The following DNAAF11 variants were observed in gnomAD, a reference collection of about 807,000 sequenced individuals.
DNAAF11 encodes the protein dynein axonemal assembly factor 11.
Under a neutral mutation model 60.8 loss-of-function variants are expected in DNAAF11, and 45 were observed. The ratio of observed to expected loss-of-function variants is 0.74; its 90% CI spans 0.58 to 0.95. DNAAF11 has a LOEUF of 0.95. Ranked by LOEUF, DNAAF11 falls within the 40% of genes least tolerant of loss-of-function variation. DNAAF11 has a pLI of 0.00. For missense variants in DNAAF11, 546 were observed against 546.2 expected, an observed-to-expected ratio of 1.00 and a Z score of 0.00; for synonymous variants, 191 against 183.5, an observed-to-expected ratio of 1.04 and a Z score of -0.33.
At chr8:132,615,120 G>A (rs1563623003) in intron 7 of DNAAF11, 23 bp from the exon 8 acceptor site, 4 of 1,474,360 alleles carry the variant, frequency 2.7e-6, no homozygotes, top group Admixed American at 1.7e-5. Context: ...CATTTGGTGG[G>A]AAAAAAGAGA....
chr8:132,665,424 C>T (rs773378688), intron 1 of DNAAF11, among the ~76,000 whole-genome samples: 5 of 152,088 alleles, frequency 3.3e-5, no homozygotes, highest in South Asian at 2.1e-4. Context: ...ACTGCAATTA[C>T]GTGAGATCAT....
At chr8:132,682,158 T>C in the DNAAF11 span, among the ~76,000 whole-genome samples, 1 of 152,184 alleles carries the variant, frequency 6.6e-6, no homozygotes, top group Non-Finnish European at 1.5e-5. Context: ...CTTTGACCAA[T>C]AGAGTACAAG....
chr8:132,663,412 C>T (rs1299011463), intron 1 of DNAAF11, among the ~76,000 whole-genome samples: 1 of 152,112 alleles, frequency 6.6e-6, no homozygotes, highest in Non-Finnish European at 1.5e-5. Context: ...GAGCAATGCT[C>T]CTGTGTAAAG....
chr8:132,624,990 C>T (rs1820106014), intron 6 of DNAAF11, among the ~76,000 whole-genome samples: 1 of 152,048 alleles, frequency 6.6e-6, no homozygotes, highest in Non-Finnish European at 1.5e-5. Context: ...ATTAGTGTAA[C>T]TTAATACACT....
chr8:132,584,349 A>T (rs924855591), intron 10 of DNAAF11, among the ~76,000 whole-genome samples: 5 of 152,184 alleles, frequency 3.3e-5, no homozygotes, highest in African/African-American at 1.2e-4. Flanking sequence ...AAATGATTCC[A>T]TTCAACAAAC....
intron 5 of DNAAF11, among the ~76,000 whole-genome samples, chr8:132,627,180 C>T (rs1423339985): frequency 6.6e-6 from 1 of 152,024 alleles, no homozygotes; most frequent in East Asian, 1.9e-4. Context: ...ATATAATTGC[C>T]ACTGAAATAA....
chr8:132,612,531 C>T (rs907586986), intron 8 of DNAAF11, among the ~76,000 whole-genome samples: 3 of 152,156 alleles, frequency 2.0e-5, no homozygotes, highest in African/African-American at 7.2e-5. Context: ...CCTGACTACT[C>T]CCCGCACAGC....
At chr8:132,589,707 G>A (rs960684819) in intron 10 of DNAAF11, among the ~76,000 whole-genome samples, 5 of 152,100 alleles carry the variant, frequency 3.3e-5, no homozygotes, top group Non-Finnish European at 7.4e-5. Context: ...TCACACATTC[G>A]AATCATTGGC....
At chr8:132,661,783 A>G (rs1586728751) in intron 1 of DNAAF11, 156 bp from the exon 2 acceptor site, 2 of 727,586 alleles carry the variant, frequency 2.7e-6, no homozygotes, top group East Asian at 5.4e-5. Context: ...AGAAAATGGT[A>G]CCTCCTCCTG....
intron 3 of DNAAF11, among the ~76,000 whole-genome samples, chr8:132,655,718 T>G (rs1252873111): frequency 6.8e-6 from 1 of 148,136 alleles, no homozygotes; most frequent in African/African-American, 2.6e-5. Flanking sequence ...TAAAAAATGC[T>G]CAACATCATT....
chr8:132,691,221 C>G, the DNAAF11 span, among the ~76,000 whole-genome samples: 1 of 150,066 alleles, frequency 6.7e-6, no homozygotes, highest in South Asian at 2.1e-4. Context: ...TTACTTTATA[C>G]TTTGGGTTAG....
At chr8:132,680,277 C>A (rs980553389), upstream of DNAAF11, among the ~76,000 whole-genome samples, 6 of 152,170 alleles carry the variant, frequency 3.9e-5, no homozygotes, top group South Asian at 2.1e-4. Context: ...AGACTTATTT[C>A]TTTGGCTGCT....
chr8:132,660,027 C>T (rs962828422), intron 2 of DNAAF11, among the ~76,000 whole-genome samples: 9 of 152,174 alleles, frequency 5.9e-5, no homozygotes, highest in African/African-American at 1.9e-4. Flanking sequence ...GCAAGCTGAC[C>T]TCTGGGTTCT....
chr8:132,681,583 A>G, the DNAAF11 span, among the ~76,000 whole-genome samples: 1 of 152,156 alleles, frequency 6.6e-6, no homozygotes, highest in Admixed American at 6.5e-5. Context: ...ATATAAAGAA[A>G]GCACTGGAAA....
intron 2 of DNAAF11, 24 bp downstream of exon 2, chr8:132,661,434 CAT>C: frequency 6.4e-7 from 1 of 1,569,692 alleles, no homozygotes; most frequent in Non-Finnish European, 8.7e-7. Context: ...TTCAAGAAAC[CAT>C]GAGAACTAAG....
chr8:132,653,826 G>T (rs1823264268), intron 3 of DNAAF11, among the ~76,000 whole-genome samples: 1 of 152,110 alleles, frequency 6.6e-6, no homozygotes. Context: ...TAACAAAAAT[G>T]AAAAGAGTAA....
intron 11 of DNAAF11, chr8:132,578,315 G>T: frequency 1.6e-6 from 1 of 613,642 alleles, no homozygotes; most frequent in Non-Finnish European, 2.7e-6. Flanking sequence ...AATTACTCAT[G>T]GATCTCTGGA....
intron 2 of DNAAF11, among the ~76,000 whole-genome samples, chr8:132,659,476 T>C (rs1215881397): frequency 2.6e-5 from 4 of 152,172 alleles, no homozygotes; most frequent in Non-Finnish European, 4.4e-5. Context: ...TAATTAGTAA[T>C]TGTGATGGAC....
intron 7 of DNAAF11, among the ~76,000 whole-genome samples, chr8:132,621,384 A>G (rs1164758243): frequency 6.6e-6 from 1 of 152,182 alleles, no homozygotes; most frequent in African/African-American, 2.4e-5. Flanking sequence ...CCAGTGGTGC[A>G]TGACCTGGGA....
Sources: allele counts gnomAD v4.1 joint callset (sites outside exome capture counted in the v4.1 genomes callset), GRCh38; gene constraint gnomAD v4.1.1; transcripts MANE v1.5; gene names NCBI Gene and HGNC (gene_info 2026-07-23, HGNC 2026-07-21).